SLC6A16: variants seen among roughly 807,000 people sequenced by gnomAD.
The protein encoded by SLC6A16 is orphan sodium- and chloride-dependent neurotransmitter transporter NTT5.
Under a neutral mutation model 65.4 loss-of-function variants are expected in SLC6A16, and 54 were observed. The ratio of observed to expected loss-of-function variants is 0.83; its 90% CI spans 0.66 to 1.04. The LOEUF (loss-of-function observed/expected upper bound fraction) is 1.04. Ranked by LOEUF, SLC6A16 falls within the 50% of genes least tolerant of loss-of-function variation. The probability of loss-of-function intolerance (pLI) is 0.00; values close to 1 mark genes in which losing one functional copy is unlikely to be tolerated. For synonymous variants in SLC6A16, 330 were observed against 346.5 expected (o/e 0.95, Z 0.53); for missense variants, 816 against 914.0 (o/e 0.89, Z 1.38).
intron 1 of SLC6A16, among the ~76,000 whole-genome samples, chr19:49,317,694 T>C (rs1970637526): frequency 1.3e-5 from 2 of 151,854 alleles, no homozygotes; most frequent in African/African-American, 4.8e-5. Flanking sequence ...TAGTCCCAGC[T>C]ACTCGGGAGG....
rs1254611957 is a variant in SLC6A16 at position 49,293,836 on chromosome 19, G to A, written c.1609C>T (p.Leu537=). 4 of 1,613,842 alleles carry A rather than the reference G, an allele frequency of 2.5e-6. No homozygotes were observed. Among genetic ancestry groups the A allele is most frequent in the Non-Finnish European group, 3.4e-6 (4 of 1,179,844 alleles). Residue 537 remains leucine (L), a synonymous_variant, in exon 9 of 12, where the codon CTG becomes TTG. Transcript: ENST00000335875. ...GCCTAGGTCAGAGTACCTATGAGCA[G>A]CTTTGTATGTTTCCTGAAGAAAGAG... is the stretch of plus-strand genomic sequence containing the variant. ...TFSFFRKHTK[L]LIVGVFLLMF... is the part of the protein sequence containing the mutation.
Position 49,308,669 on chromosome 19 carries a change from C to A in SLC6A16, c.1229+207G>T. ...AATCTCTGAGTTTGAAGATTTATTT[C>A]TAGGGTGACAAAAGGCTCTGAGAAG... On this transcript the variant is annotated intron_variant, in intron 7 of 11. Transcript: ENST00000335875. 4.8e-6 allele frequency: 3 copies of A among 619,172 alleles called. No individual in the cohort carries two copies. The South Asian group carries it at 6.1e-5, about 13-fold the overall frequency. The allele number at this position is 619,172 out of a possible 1,614,324, so 38.4% of individuals were successfully genotyped here. A position where few individuals can be genotyped will look rare whatever the true frequency, so the allele number is the denominator to read the frequency against.
At chr19:49,297,499 A>G (rs1970207297) in intron 7 of SLC6A16, among the ~76,000 whole-genome samples, 1 of 152,210 alleles carries the variant, frequency 6.6e-6, no homozygotes, top group African/African-American at 2.4e-5. Context: ...CTGATTTAAA[A>G]CCACTTTGGA....
chr19:49,330,773 C>A, the SLC6A16 span, among the ~76,000 whole-genome samples: 2 of 151,990 alleles, frequency 1.3e-5, no homozygotes, highest in African/African-American at 2.4e-5. Context: ...GAAACCCTGT[C>A]TCTACTAAAA....
chr19:49,338,039 C>G, the SLC6A16 span: 24 of 1,613,236 alleles, frequency 1.5e-5, no homozygotes, highest in East Asian at 4.9e-4. This position sits in a 1 kb window ranked among gnomAD's most constrained non-coding sequence, Gnocchi z 5.0. Context: ...GGTAAGCCCC[C>G]CTCCTCCAGT....
chr19:49,328,887 G>A (rs1327544088), upstream of SLC6A16, among the ~76,000 whole-genome samples: 1 of 152,178 alleles, frequency 6.6e-6, no homozygotes, highest in Non-Finnish European at 1.5e-5. Context: ...CCATATAAGA[G>A]AAGAGCTGAA....
intron 8 of SLC6A16, 44 bp downstream of exon 8, chr19:49,294,323 G>A: frequency 6.3e-7 from 1 of 1,581,340 alleles, no homozygotes; most frequent in Non-Finnish European, 8.6e-7. Context: ...TGTGCTAAAG[G>A]CTTTCAGGAA....
chr19:49,336,015 C>T, the SLC6A16 span: 1 of 578,598 alleles, frequency 1.7e-6, no homozygotes, highest in Non-Finnish European at 3.1e-6. Flanking sequence ...TCCTATCTGT[C>T]GGGACTTGTG....
the SLC6A16 span, among the ~76,000 whole-genome samples, chr19:49,338,534 C>A: frequency 2.0e-5 from 3 of 152,136 alleles, no homozygotes; most frequent in South Asian, 6.2e-4. The surrounding 1 kb of genome is among the most constrained non-coding windows in gnomAD (Gnocchi z 5.0). Flanking sequence ...CCCGTAATGT[C>A]CCCTGGCTCC....
chr19:49,320,768 G>A (rs1970697640), intron 1 of SLC6A16, among the ~76,000 whole-genome samples: 1 of 152,126 alleles, frequency 6.6e-6, no homozygotes, highest in Non-Finnish European at 1.5e-5. Context: ...GGATAACCTA[G>A]ATTAAATGGA....
the SLC6A16 span, chr19:49,340,210 C>T: frequency 6.4e-7 from 1 of 1,567,840 alleles, no homozygotes. Flanking sequence ...GTCTCGCCAG[C>T]ACCCCTTCGA....
chr19:49,339,250 G>T, the SLC6A16 span: 1 of 1,283,466 alleles, frequency 7.8e-7, no homozygotes, highest in Admixed American at 1.8e-5. The surrounding 1 kb of genome is among the most constrained non-coding windows in gnomAD (Gnocchi z 4.5). Flanking sequence ...AAGACGGTGA[G>T]GGTTGGCCTG....
At chr19:49,312,702 G>A (rs572110412) in intron 1 of SLC6A16, 21 of 342,622 alleles carry the variant, frequency 6.1e-5, no homozygotes, top group Non-Finnish European at 8.6e-5. Flanking sequence ...TCCAAAAGCA[G>A]AGGCAGTAGA....
chr19:49,333,887 C>T, the SLC6A16 span, among the ~76,000 whole-genome samples: 56 of 152,284 alleles, frequency 3.7e-4, 1 homozygote, highest in Non-Finnish European at 6.9e-4. Flanking sequence ...GCACCTGCAA[C>T]CAGGCACTGC....
chr19:49,319,401 A>G (rs1970669243), intron 1 of SLC6A16, among the ~76,000 whole-genome samples: 1 of 150,952 alleles, frequency 6.6e-6, no homozygotes, highest in East Asian at 1.9e-4. Flanking sequence ...TCCTTCATAT[A>G]TGTGTGTGTG....
In SLC6A16 at chr19:49,309,719, G is replaced by C; in HGVS notation, c.808C>G (p.Leu270Val). 6.2e-7 allele frequency: 1 copy of C among 1,614,066 alleles called. No homozygotes were observed. Among genetic ancestry groups the C allele is most frequent in the Non-Finnish European group, 8.5e-7 (1 of 1,179,970 alleles). The change falls in exon 5 of 12, where the codon CTG becomes GTG. Residue 270 changes from leucine to valine, a missense_variant. Physicochemically the swap from Leu to Val is conservative, Grantham distance 32. Coordinates refer to ENST00000335875, the MANE Select transcript of SLC6A16 (RefSeq NM_014037.3). ...AGACACCAGCAAAGAAAGAAGGGCA[G>C]GACCAGACTGTAGACTGGTGACCCG... ...DGGSPVYSLV[L>V]PFFLCWCLVG...
chr19:49,303,011 C>T (rs1471273452), intron 7 of SLC6A16, among the ~76,000 whole-genome samples: 2 of 152,230 alleles, frequency 1.3e-5, no homozygotes, highest in Non-Finnish European at 2.9e-5. Context: ...AGAACACTTA[C>T]ATAACAAGAT....
At chr19:49,294,258 T>C in intron 8 of SLC6A16, 109 bp downstream of exon 8, 1 of 1,113,710 alleles carries the variant, frequency 9.0e-7, no homozygotes, top group South Asian at 1.5e-5. Flanking sequence ...GAGCCACAGA[T>C]GATTCTGGTG....
intron 7 of SLC6A16, among the ~76,000 whole-genome samples, chr19:49,296,138 C>T (rs925725175): frequency 3.0e-4 from 45 of 152,204 alleles, no homozygotes; most frequent in Admixed American, 5.9e-4. Context: ...AGGCGTGCGC[C>T]ACCATGCCCA....
Sources: allele counts gnomAD v4.1 joint callset (sites outside exome capture counted in the v4.1 genomes callset), GRCh38; gene constraint gnomAD v4.1.1; non-coding constraint Gnocchi (gnomAD v3.1); transcripts MANE v1.5; gene names NCBI Gene and HGNC (gene_info 2026-07-23, HGNC 2026-07-21).